The following APBB2 variants were observed in gnomAD, a reference collection of about 807,000 sequenced individuals.
APBB2 encodes the protein Fe65-like 1.
Under a neutral mutation model 82.5 loss-of-function variants are expected in APBB2, and 38 were observed. The observed-to-expected ratio is 0.46, with a 90% confidence interval of 0.36 to 0.60. APBB2 has a LOEUF of 0.60. APBB2 is among the 20% of genes least tolerant of loss of function. The pLI is 0.00. For missense variants in APBB2, 772 were observed against 972.3 expected, an observed-to-expected ratio of 0.79 and a Z score of 2.74; for synonymous variants, 341 against 368.2, an observed-to-expected ratio of 0.93 and a Z score of 0.85.
At chr4:41,181,571 G>A (rs1394239095) in intron 1 of APBB2, among the ~76,000 whole-genome samples, 1 of 152,096 alleles carries the variant, frequency 6.6e-6, no homozygotes, top group Non-Finnish European at 1.5e-5. Flanking sequence ...TTCTATGTAA[G>A]CCTAACACAC....
At chr4:41,003,949 G>A (rs1189242083) in intron 6 of APBB2, among the ~76,000 whole-genome samples, 1 of 152,034 alleles carries the variant, frequency 6.6e-6, no homozygotes, top group Non-Finnish European at 1.5e-5. Context: ...CTGACCTCAG[G>A]TGATCCGCCC....
chr4:41,135,392 T>C (rs1185691809), intron 2 of APBB2, among the ~76,000 whole-genome samples: 2 of 152,220 alleles, frequency 1.3e-5, no homozygotes, highest in Admixed American at 1.3e-4. Flanking sequence ...TTATATGTTT[T>C]TTCATAGACA....
At chr4:40,942,163 C>T (rs1468611611) in intron 7 of APBB2, among the ~76,000 whole-genome samples, 4 of 152,076 alleles carry the variant, frequency 2.6e-5, no homozygotes, top group South Asian at 2.1e-4. Context: ...TTTGACTTAA[C>T]GGAGGACCTT....
intron 5 of APBB2, among the ~76,000 whole-genome samples, chr4:41,019,597 G>A (rs374176617): frequency 4.6e-5 from 7 of 152,262 alleles, no homozygotes; most frequent in South Asian, 2.1e-4. Flanking sequence ...TGATGAAGTC[G>A]TCGGGCGTGT....
intron 12 of APBB2, among the ~76,000 whole-genome samples, chr4:40,868,789 T>C (rs1014353101): frequency 3.9e-5 from 6 of 152,222 alleles, no homozygotes; most frequent in African/African-American, 1.2e-4. Flanking sequence ...TTGGACCAAA[T>C]TGGTCCTTTT....
chr4:41,154,154 T>C (rs1762926474), intron 1 of APBB2, among the ~76,000 whole-genome samples: 1 of 152,308 alleles, frequency 6.6e-6, no homozygotes, highest in African/African-American at 2.4e-5. Flanking sequence ...AAACTCCAAT[T>C]TCTCCCCAGT....
chr4:41,157,065 C>CAAAAA (rs1302613201), intron 1 of APBB2, among the ~76,000 whole-genome samples: 1 of 72,814 alleles, frequency 1.4e-5, no homozygotes, highest in Non-Finnish European at 2.9e-5. Flanking sequence ...GACTCTGTCT[C>CAAAAA]AAAAAAAAAA....
chr4:41,049,270 C>T (rs1450824429), intron 4 of APBB2, among the ~76,000 whole-genome samples: 1 of 149,656 alleles, frequency 6.7e-6, no homozygotes, highest in Non-Finnish European at 1.5e-5. Flanking sequence ...CGTCTCTGCC[C>T]GGCCGCCCCG....
At chr4:41,040,409 A>C (rs543161900) in intron 4 of APBB2, among the ~76,000 whole-genome samples, 1 of 152,302 alleles carries the variant, frequency 6.6e-6, no homozygotes, top group African/African-American at 2.4e-5. Flanking sequence ...TATAACATTT[A>C]TTGAATGCTT....
chr4:41,038,016 G>A (rs576196388), intron 4 of APBB2, among the ~76,000 whole-genome samples: 1 of 152,110 alleles, frequency 6.6e-6, no homozygotes, highest in South Asian at 2.1e-4. Flanking sequence ...GTGATTTTGG[G>A]GCAAAGCATA....
At chr4:41,084,134 A>C (rs1738744726) in intron 3 of APBB2, among the ~76,000 whole-genome samples, 1 of 152,192 alleles carries the variant, frequency 6.6e-6, no homozygotes, top group African/African-American at 2.4e-5. Context: ...GAAATCTCTT[A>C]AAGAAATAGG....
chr4:41,011,450 G>C (rs960100523), intron 6 of APBB2, among the ~76,000 whole-genome samples: 5 of 151,800 alleles, frequency 3.3e-5, no homozygotes, highest in Admixed American at 3.3e-4. Flanking sequence ...TTTATTTTTT[G>C]AGATGGAGTC....
At chr4:40,843,880 C>T (rs1025268933) in intron 12 of APBB2, among the ~76,000 whole-genome samples, 7 of 152,176 alleles carry the variant, frequency 4.6e-5, no homozygotes, top group Non-Finnish European at 8.8e-5. Context: ...GAGAGTTTGA[C>T]AGTAGGCTGC....
intron 12 of APBB2, among the ~76,000 whole-genome samples, chr4:40,841,841 G>A (rs1007916816): frequency 2.6e-5 from 4 of 152,106 alleles, no homozygotes; most frequent in Non-Finnish European, 4.4e-5. Flanking sequence ...ACCACGCCTA[G>A]CTAATTTTTT....
chr4:40,888,993 C>T (rs930080313), intron 12 of APBB2, among the ~76,000 whole-genome samples: 7 of 152,240 alleles, frequency 4.6e-5, no homozygotes, highest in Non-Finnish European at 1.0e-4. Flanking sequence ...AGAGAGCTTC[C>T]TCGTAAAATT....
In APBB2 at chr4:40,950,181, C is replaced by G. The variant is rs548250083; in HGVS notation, c.836-5108G>C. ...GCTCGGCAAAAATTAAAAAGTATTA[C>G]AATACCAATTGTTGGCAGGCATGTA... On this transcript the variant is annotated intron_variant, in intron 6 of 17. Transcript: ENST00000508593. Among the ~76,000 whole-genome samples, 230 of 152,304 alleles carry G rather than the reference C, an allele frequency of 1.5e-3. 3 individuals are homozygous for G. The highest frequency in any genetic ancestry group is 2.7e-3 in the Non-Finnish European group (182 of 68,034).
At chr4:41,102,724 T>C (rs1421118682) in intron 2 of APBB2, among the ~76,000 whole-genome samples, 1 of 152,202 alleles carries the variant, frequency 6.6e-6, no homozygotes, top group African/African-American at 2.4e-5. Context: ...TGCCACCACT[T>C]CACAATAACT....
chr4:41,094,339 C>T (rs1192269528), intron 3 of APBB2, among the ~76,000 whole-genome samples: 2 of 152,218 alleles, frequency 1.3e-5, no homozygotes, highest in Admixed American at 6.5e-5. Flanking sequence ...ACACTTTACT[C>T]TTCGCTTCAG....
intron 4 of APBB2, among the ~76,000 whole-genome samples, chr4:41,055,928 C>T (rs1727680771): frequency 6.6e-6 from 1 of 152,214 alleles, no homozygotes; most frequent in Admixed American, 6.5e-5. Context: ...CGCAGTGGCT[C>T]ACCCCTGCAA....
Sources: allele counts gnomAD v4.1 joint callset (sites outside exome capture counted in the v4.1 genomes callset), GRCh38; gene constraint gnomAD v4.1.1; transcripts MANE v1.5; gene names NCBI Gene and HGNC (gene_info 2026-07-23, HGNC 2026-07-21).